Variants in BRI3 observed in about 807,000 individuals in gnomAD.
BRI3 encodes membrane protein BRI3.
BRI3 carries 6 observed loss-of-function variants against 12.8 expected under a neutral mutation model. The observed-to-expected ratio is 0.47, with a 90% CI of 0.26 to 0.93. The LOEUF is 0.93. Among genes scored for constraint, BRI3 ranks in the 40% least tolerant of loss-of-function variants. BRI3 has a pLI of 0.15. For synonymous variants in BRI3, 91 were observed against 76.1 expected (o/e 1.20, Z -1.02); for missense variants, 134 against 171.1 (o/e 0.78, Z 1.21).
At chr7:98,288,788 A>AGGTTGGAAGGGG (rs11275179) in intron 2 of BRI3, among the ~76,000 whole-genome samples, 2 of 150,564 alleles carry the variant, frequency 1.3e-5, no homozygotes, top group Non-Finnish European at 3.0e-5. Context: ...TTTTGTAGGG[A>AGGTTGGAAGGGG]GGGGTCTTTG....
upstream of BRI3, among the ~76,000 whole-genome samples, chr7:98,303,857 G>A (rs1335291670): frequency 6.6e-6 from 1 of 152,200 alleles, no homozygotes; most frequent in Non-Finnish European, 1.5e-5. Flanking sequence ...ATAAGAAAAT[G>A]AAAGAAAATG....
At chr7:98,307,381 C>G (rs2116857576) in intron 1 of BRI3, 1 of 1,184,882 alleles carries the variant, frequency 8.4e-7, no homozygotes, top group African/African-American at 1.6e-5. Context: ...GCTGGGATTA[C>G]AAGCATGAGC....
downstream of BRI3, chr7:98,293,200 A>C (rs944055610): frequency 3.3e-6 from 1 of 300,538 alleles, no homozygotes; most frequent in East Asian, 6.3e-5. Context: ...ACTATCCCTT[A>C]TTCTGGCTGT....
chr7:98,316,007 T>C, the BRI3 span, among the ~76,000 whole-genome samples: 1 of 152,224 alleles, frequency 6.6e-6, no homozygotes, highest in African/African-American at 2.4e-5. Context: ...AAATCTCATC[T>C]TGAATTGTAG....
downstream of BRI3, chr7:98,292,827 C>T (rs896065782): frequency 6.8e-7 from 1 of 1,478,358 alleles, no homozygotes; most frequent in Non-Finnish European, 9.0e-7. Context: ...GGGCCGTGTG[C>T]AGCGAATCCG....
At chr7:98,312,382 G>T, downstream of BRI3, 7 of 1,156,304 alleles carry the variant, frequency 6.1e-6, no homozygotes, top group Non-Finnish European at 8.4e-6. Context: ...GAGTGTGGGG[G>T]CCCTGGGTTA....
At chr7:98,318,382 G>A in the BRI3 span, among the ~76,000 whole-genome samples, 5 of 151,762 alleles carry the variant, frequency 3.3e-5, no homozygotes, top group Admixed American at 6.6e-5. Flanking sequence ...TCTGCCTCCC[G>A]GGTTCAAGTG....
At chr7:98,293,546 T>A, downstream of BRI3, 1 of 1,613,778 alleles carries the variant, frequency 6.2e-7, no homozygotes, top group Non-Finnish European at 8.5e-7. Context: ...TGCCGAGCGA[T>A]CATTCGTCAC....
At chr7:98,316,504 C>A in the BRI3 span, among the ~76,000 whole-genome samples, 1 of 152,150 alleles carries the variant, frequency 6.6e-6, no homozygotes, top group African/African-American at 2.4e-5. Flanking sequence ...GCCTTCAGCT[C>A]TCAGTCAAAA....
chr7:98,304,591 A>G (rs1800563532), upstream of BRI3, among the ~76,000 whole-genome samples: 1 of 152,148 alleles, frequency 6.6e-6, no homozygotes, highest in African/African-American at 2.4e-5. Context: ...TCTGTCACCC[A>G]GGCTGGAGTG....
chr7:98,304,987 T>TC (rs1800586853), upstream of BRI3, among the ~76,000 whole-genome samples: 1 of 147,908 alleles, frequency 6.8e-6, no homozygotes. Context: ...TGCCTCAGCC[T>TC]CCCAAGTAGC....
chr7:98,287,643 G>C (rs1799753781), intron 2 of BRI3, among the ~76,000 whole-genome samples: 2 of 152,206 alleles, frequency 1.3e-5, no homozygotes, highest in African/African-American at 4.8e-5. Flanking sequence ...CAGCCTTCCT[G>C]CACTTCTCAG....
chr7:98,319,607 C>T, the BRI3 span, among the ~76,000 whole-genome samples: 17 of 145,620 alleles, frequency 1.2e-4, no homozygotes, highest in Admixed American at 6.4e-4. Context: ...AGTGCAGTGG[C>T]GCAATCTTGG....
At position 98,281,701 on chromosome 7, in the gene BRI3, A is replaced by C. The variant is rs1000374703; in HGVS notation, c.-95A>C. 9.6e-6 allele frequency: 4 copies of C among 416,190 alleles called. No individual in the cohort carries two copies. The highest frequency in any genetic ancestry group is 1.3e-5 in the Non-Finnish European group (4 of 317,638). The allele number at this position is 416,190 out of a possible 1,614,324, so 25.8% of individuals were successfully genotyped here. A position where few individuals can be genotyped will look rare whatever the true frequency, so the allele number is the denominator to read the frequency against. ...CGTCTGCCTCAGAGGGGCCCGAGCC[A>C]CCCGGTCCGCCGCGTCCCCGCCGCC... is the stretch of plus-strand genomic sequence containing the variant. On this transcript the variant is annotated 5_prime_UTR_variant, in exon 1 of 3. Coordinates refer to ENST00000297290, the MANE Select transcript of BRI3 (RefSeq NM_015379.5).
chr7:98,282,078 C>T (rs1436505834), intron 1 of BRI3, 141 bp downstream of exon 1: 3 of 1,205,156 alleles, frequency 2.5e-6, no homozygotes, highest in Non-Finnish European at 3.2e-6. Context: ...CGGGACCCGG[C>T]GCCGCCGAGG....
chr7:98,291,378 T>C lies in BRI3; in HGVS notation c.*135T>C. 6.7e-7 allele frequency: 1 copy of C among 1,487,212 alleles called. No homozygotes were observed. Among genetic ancestry groups the C allele is most frequent in the Non-Finnish European group, 8.9e-7 (1 of 1,118,082 alleles). 92.1% of individuals were successfully genotyped at this position (1,487,212 alleles called of 1,614,324 possible). On this transcript the variant is annotated 3_prime_UTR_variant, in exon 3 of 3. Coordinates refer to ENST00000297290, the MANE Select transcript of BRI3 (RefSeq NM_015379.5). ...TGGGACCGATGTGGCACACGCCAGC[T>C]GCGGTTTCCCGGAGCGTGGAGAGGC...
At chr7:98,310,675 TAAATAATAGGC>T, downstream of BRI3, 2 of 983,992 alleles carry the variant, frequency 2.0e-6, no homozygotes, top group Non-Finnish European at 2.8e-6. Context: ...TTTTTTTTTT[TAAATAATAGGC>T]TATTTATTTA....
intron 1 of BRI3, among the ~76,000 whole-genome samples, chr7:98,301,429 G>A (rs1256769344): frequency 6.6e-6 from 1 of 151,358 alleles, no homozygotes; most frequent in Non-Finnish European, 1.5e-5. Context: ...AGAAATGAAA[G>A]GCTGCTAAAA....
chr7:98,310,548 C>T, downstream of BRI3: 1 of 1,593,022 alleles, frequency 6.3e-7, no homozygotes, highest in Non-Finnish European at 8.5e-7. Flanking sequence ...GAGCGGGGGG[C>T]ATCTTTGGTG....
Sources: allele counts gnomAD v4.1 joint callset (sites outside exome capture counted in the v4.1 genomes callset), GRCh38; gene constraint gnomAD v4.1.1; transcripts MANE v1.5; gene names NCBI Gene and HGNC (gene_info 2026-07-23, HGNC 2026-07-21).